CPNE4: variants seen among roughly 807,000 people sequenced by gnomAD.
The protein encoded by CPNE4 is copine-4.
Under a neutral mutation model 67.9 loss-of-function variants are expected in CPNE4, and 25 were observed. The observed-to-expected ratio is 0.37, with a 90% CI of 0.27 to 0.51. The LOEUF (loss-of-function observed/expected upper bound fraction) is 0.51, where lower values mean the gene tolerates loss of function less well. CPNE4 is among the 20% of genes least tolerant of loss of function. CPNE4 has a pLI of 0.93. For missense variants in CPNE4, 464 were observed against 690.8 expected (o/e 0.67, Z 3.68); for synonymous variants, 242 against 244.9 (o/e 0.99, Z 0.11).
intron 7 of CPNE4, among the ~76,000 whole-genome samples, chr3:131,610,533 GAC>G (rs1939776265): frequency 6.6e-6 from 1 of 152,106 alleles, no homozygotes; most frequent in South Asian, 2.1e-4. Context: ...ACCAGTGACT[GAC>G]ACACAGCAAG....
intron 1 of CPNE4, among the ~76,000 whole-genome samples, chr3:132,029,137 G>A (rs763148752): frequency 3.3e-5 from 5 of 152,020 alleles, no homozygotes; most frequent in Non-Finnish European, 7.4e-5. Context: ...TTTAAACAAG[G>A]TATTTCCGGA....
intron 6 of CPNE4, among the ~76,000 whole-genome samples, chr3:131,680,734 T>C (rs2080727547): frequency 6.6e-6 from 1 of 152,154 alleles, no homozygotes; most frequent in Admixed American, 6.5e-5. Context: ...GAGTAAGTTC[T>C]TTAGTGGTGA....
At chr3:131,630,421 G>C (rs1244930418) in intron 7 of CPNE4, among the ~76,000 whole-genome samples, 1 of 152,110 alleles carries the variant, frequency 6.6e-6, no homozygotes, top group East Asian at 1.9e-4. Context: ...ACTCACTACT[G>C]GTGCAGTGAA....
At chr3:131,545,577 T>C (rs1233896735) in intron 14 of CPNE4, among the ~76,000 whole-genome samples, 3 of 152,236 alleles carry the variant, frequency 2.0e-5, no homozygotes. Context: ...CAATGTATTA[T>C]TTATGTTTAA....
At chr3:131,888,472 C>G (rs904440942) in intron 2 of CPNE4, among the ~76,000 whole-genome samples, 4 of 151,438 alleles carry the variant, frequency 2.6e-5, no homozygotes, top group African/African-American at 4.8e-5. Context: ...TATTTGAAAA[C>G]AGACTATCCA....
intron 1 of CPNE4, among the ~76,000 whole-genome samples, chr3:131,976,788 A>G (rs919782002): frequency 6.6e-6 from 1 of 151,892 alleles, no homozygotes; most frequent in African/African-American, 2.4e-5. Flanking sequence ...TAAAGGAACA[A>G]CATTATCATT....
At chr3:132,027,697 C>CTTTCCCA (rs2074142895) in intron 1 of CPNE4, among the ~76,000 whole-genome samples, 2 of 151,518 alleles carry the variant, frequency 1.3e-5, no homozygotes, top group Non-Finnish European at 2.9e-5. Flanking sequence ...AACTCCTTGA[C>CTTTCCCA]TTTTGCCACT....
intron 7 of CPNE4, among the ~76,000 whole-genome samples, chr3:131,636,423 C>A (rs1054617548): frequency 6.6e-6 from 1 of 152,164 alleles, no homozygotes; most frequent in South Asian, 2.1e-4. Context: ...AGCCATAATC[C>A]CCCTAGGAAT....
intron 1 of CPNE4, among the ~76,000 whole-genome samples, chr3:132,019,466 CAA>C (rs2073948960): frequency 6.6e-6 from 1 of 151,986 alleles, no homozygotes; most frequent in South Asian, 2.1e-4. Flanking sequence ...AAATCTGTGA[CAA>C]AATGCATCTG....
chr3:131,595,614 A>G (rs1938795635), intron 7 of CPNE4, among the ~76,000 whole-genome samples: 1 of 152,174 alleles, frequency 6.6e-6, no homozygotes, highest in South Asian at 2.1e-4. Flanking sequence ...TAACACGGTG[A>G]GAGTAGGAGC....
chr3:131,626,531 G>A (rs1469272385), intron 7 of CPNE4, among the ~76,000 whole-genome samples: 1 of 152,182 alleles, frequency 6.6e-6, no homozygotes, highest in Non-Finnish European at 1.5e-5. Context: ...TGAAGGCTGA[G>A]AGAGGTGAGG....
intron 7 of CPNE4, among the ~76,000 whole-genome samples, chr3:131,642,620 G>A (rs1200339668): frequency 6.6e-6 from 1 of 152,164 alleles, no homozygotes; most frequent in Non-Finnish European, 1.5e-5. Context: ...AGGACCCAGT[G>A]GGAGGTAATT....
chr3:131,961,777 G>T (rs2072188522), intron 1 of CPNE4, among the ~76,000 whole-genome samples: 1 of 152,116 alleles, frequency 6.6e-6, no homozygotes, highest in African/African-American at 2.4e-5. Context: ...AGACTAGCAG[G>T]TGAAAGGGTA....
intron 2 of CPNE4, among the ~76,000 whole-genome samples, chr3:131,747,523 T>G (rs2082522296): frequency 6.9e-6 from 1 of 145,368 alleles, no homozygotes; most frequent in African/African-American, 2.5e-5. Context: ...CTTTAGTATT[T>G]TAAAATTTGG....
chr3:131,825,366 T>C (rs2085114847), intron 2 of CPNE4, among the ~76,000 whole-genome samples: 1 of 151,904 alleles, frequency 6.6e-6, no homozygotes, highest in Non-Finnish European at 1.5e-5. Context: ...TGTGGTGTTG[T>C]GTCTGTAATT....
At chr3:131,544,365 T>C (rs1047687705) in intron 14 of CPNE4, among the ~76,000 whole-genome samples, 1 of 151,930 alleles carries the variant, frequency 6.6e-6, no homozygotes, top group African/African-American at 2.4e-5. Context: ...AAAAATGTTT[T>C]AAATGAAAAA....
intron 15 of CPNE4, among the ~76,000 whole-genome samples, chr3:131,535,912 A>G (rs913985294): frequency 7.9e-5 from 12 of 152,236 alleles, no homozygotes; most frequent in Non-Finnish European, 2.9e-5. Flanking sequence ...CTAGAGAATC[A>G]CAAACAGTGA....
chr3:131,981,903 C>T (rs1006054845), intron 1 of CPNE4, among the ~76,000 whole-genome samples: 8 of 152,198 alleles, frequency 5.3e-5, no homozygotes, highest in Non-Finnish European at 1.0e-4. Context: ...CCCTTTCCCA[C>T]TTGGATCACT....
chr3:131,832,366 C>G (rs780804215), intron 2 of CPNE4, among the ~76,000 whole-genome samples: 2 of 152,108 alleles, frequency 1.3e-5, no homozygotes, highest in Non-Finnish European at 2.9e-5. Flanking sequence ...AGTCAGAGAT[C>G]ATCTACCTCA....
Sources: gnomAD v4.1 joint callset for allele counts (sites outside exome capture counted in the v4.1 genomes callset) on GRCh38, gnomAD v4.1.1 for gene constraint, MANE v1.5 for transcripts, NCBI Gene and HGNC (gene_info 2026-07-23, HGNC 2026-07-21) for gene names.